PDSS2: variants seen among roughly 807,000 people sequenced by gnomAD.
PDSS2 encodes the protein all trans-polyprenyl-diphosphate synthase PDSS2.
In PDSS2, 31 loss-of-function variants were observed where a neutral mutation model predicts 44.5. The observed-to-expected ratio is 0.70, with a 90% CI of 0.52 to 0.94. The LOEUF (loss-of-function observed/expected upper bound fraction) is 0.94, where lower values mean the gene tolerates loss of function less well. Ranked by LOEUF, PDSS2 falls within the 40% of genes least tolerant of loss-of-function variation. PDSS2 has a pLI of 0.00. For synonymous variants in PDSS2, 157 were observed against 180.3 expected (o/e 0.87, Z 1.03); for missense variants, 452 against 482.2 (o/e 0.94, Z 0.59).
At chr6:107,269,218 G>A (rs970187314) in intron 3 of PDSS2, among the ~76,000 whole-genome samples, 1 of 151,990 alleles carries the variant, frequency 6.6e-6, no homozygotes, top group Non-Finnish European at 1.5e-5. Flanking sequence ...CACTGCACCT[G>A]GCCTAACAAA....
At chr6:107,293,776 T>C (rs144159135) in intron 2 of PDSS2, among the ~76,000 whole-genome samples, 1 of 152,252 alleles carries the variant, frequency 6.6e-6, no homozygotes, top group African/African-American at 2.4e-5. Context: ...TTTGGTGAAC[T>C]GGAGTGGGCA....
intron 4 of PDSS2, among the ~76,000 whole-genome samples, chr6:107,235,315 A>G (rs188420348): frequency 1.9e-4 from 29 of 152,334 alleles, no homozygotes; most frequent in Non-Finnish European, 4.4e-5. Flanking sequence ...AAACTACTAA[A>G]GTCCAGGGAA....
chr6:107,247,409 G>A (rs896278061), intron 3 of PDSS2, among the ~76,000 whole-genome samples: 1 of 152,136 alleles, frequency 6.6e-6, no homozygotes, highest in Non-Finnish European at 1.5e-5. Flanking sequence ...TTTGTTCTCT[G>A]ACTCTTTTTC....
chr6:107,408,632 A>G (rs1194448860), intron 1 of PDSS2, among the ~76,000 whole-genome samples: 3 of 152,228 alleles, frequency 2.0e-5, no homozygotes, highest in African/African-American at 7.2e-5. Flanking sequence ...CAAATCTGGC[A>G]AGCAAAAAAT....
chr6:107,378,540 CT>C (rs776826283), intron 1 of PDSS2, among the ~76,000 whole-genome samples: 64 of 152,056 alleles, frequency 4.2e-4, no homozygotes, highest in Non-Finnish European at 6.9e-4. Context: ...AATCCCAGCA[CT>C]TTGGGAGGCC....
At chr6:107,448,595 TC>T in intron 1 of PDSS2, among the ~76,000 whole-genome samples, 1 of 152,322 alleles carries the variant, frequency 6.6e-6, no homozygotes, top group African/African-American at 2.4e-5. Flanking sequence ...TCTAGGAAGT[TC>T]CAAACTTTCC....
intron 1 of PDSS2, among the ~76,000 whole-genome samples, chr6:107,438,106 T>C (rs1290513193): frequency 3.3e-5 from 5 of 152,200 alleles, no homozygotes; most frequent in Non-Finnish European, 7.3e-5. Flanking sequence ...TATGGAATAT[T>C]AGGTCATCTC....
intron 4 of PDSS2, among the ~76,000 whole-genome samples, chr6:107,233,479 G>A (rs1408032367): frequency 6.6e-6 from 1 of 152,092 alleles, no homozygotes; most frequent in Non-Finnish European, 1.5e-5. Flanking sequence ...ATAGCTCTAT[G>A]GGTACTATAG....
At chr6:107,252,383 A>C (rs1774850887) in intron 3 of PDSS2, among the ~76,000 whole-genome samples, 1 of 152,072 alleles carries the variant, frequency 6.6e-6, no homozygotes, top group Admixed American at 6.6e-5. Context: ...AGTACTGCCA[A>C]ATGTGTAAGG....
intron 1 of PDSS2, among the ~76,000 whole-genome samples, chr6:107,366,013 T>C (rs984471543): frequency 5.3e-5 from 8 of 152,218 alleles, no homozygotes; most frequent in East Asian, 1.9e-4. Context: ...AGCAACAATA[T>C]AGAAGACTTT....
At chr6:107,376,477 C>T (rs1583009562) in intron 1 of PDSS2, among the ~76,000 whole-genome samples, 2 of 152,162 alleles carry the variant, frequency 1.3e-5, no homozygotes, top group South Asian at 2.1e-4. Context: ...AGGTCCTTCA[C>T]GTCCCTTGTA....
intron 6 of PDSS2, among the ~76,000 whole-genome samples, chr6:107,208,315 T>A (rs111648158): frequency 0.22 from 24,498 of 111,014 alleles, 3,468 homozygotes; most frequent in East Asian, 0.45. Flanking sequence ...TTTTTTTTTT[T>A]AAAGACAGTC....
chr6:107,168,078 G>A (rs1218202909), intron 7 of PDSS2, among the ~76,000 whole-genome samples: 6 of 152,084 alleles, frequency 3.9e-5, no homozygotes, highest in African/African-American at 7.2e-5. Flanking sequence ...ACAGTGGGGT[G>A]GTAAAGTCTC....
In PDSS2 at chr6:107,335,161, CAAAA is replaced by C. The variant is rs765731620; in HGVS notation, c.297-833_297-830del. On this transcript the variant is annotated intron_variant, in intron 1 of 7. Transcript: ENST00000369037. ...GGGAGACGGATTGAGACTCTGTTTC[CAAAA>C]AAAAAAAAAAAAAAAAAAAGTGACA... Among the ~76,000 whole-genome samples, 4 of 64,160 alleles carry C rather than the reference CAAAA, an allele frequency of 6.2e-5. No individual in the cohort carries two copies. The East Asian group carries it at 1.4e-3, about 23-fold the overall frequency. The allele number at this position is 64,160 out of a possible 152,430, so 42.1% of individuals were successfully genotyped here.
chr6:107,191,997 A>G (rs975719364), intron 7 of PDSS2, among the ~76,000 whole-genome samples: 3 of 152,176 alleles, frequency 2.0e-5, no homozygotes, highest in African/African-American at 7.2e-5. Flanking sequence ...GTCAGGGGCT[A>G]TAGGAACTCT....
At chr6:107,384,650 AAAAAAACACAAAAAAAC>A in intron 1 of PDSS2, among the ~76,000 whole-genome samples, 1 of 151,490 alleles carries the variant, frequency 6.6e-6, no homozygotes, top group South Asian at 2.1e-4. Flanking sequence ...TCAAAACCAA[AAAAAAACACAAAAAAAC>A]AAAAAAAACC....
chr6:107,175,372 C>T (rs1198556004), intron 7 of PDSS2, among the ~76,000 whole-genome samples: 1 of 152,166 alleles, frequency 6.6e-6, no homozygotes, highest in Non-Finnish European at 1.5e-5. Context: ...CAAAGTAACA[C>T]AGATGATAAG....
At chr6:107,222,917 G>A (rs1773659661) in intron 4 of PDSS2, among the ~76,000 whole-genome samples, 1 of 151,722 alleles carries the variant, frequency 6.6e-6, no homozygotes, top group Non-Finnish European at 1.5e-5. Flanking sequence ...ACCAGCCTGG[G>A]CAACAAAGTG....
At chr6:107,170,637 AC>A (rs1771540219) in intron 7 of PDSS2, among the ~76,000 whole-genome samples, 1 of 129,370 alleles carries the variant, frequency 7.7e-6, no homozygotes, top group Non-Finnish European at 1.6e-5. Flanking sequence ...TTTTTCTGAG[AC>A]AGCCTCACTC....
Sources: allele counts gnomAD v4.1 joint callset (sites outside exome capture counted in the v4.1 genomes callset), GRCh38; gene constraint gnomAD v4.1.1; transcripts MANE v1.5; gene names NCBI Gene and HGNC (gene_info 2026-07-23, HGNC 2026-07-21).